CFAP45: variants seen among roughly 807,000 people sequenced by gnomAD.
The protein encoded by CFAP45 is cilia- and flagella-associated protein 45.
CFAP45 carries 43 observed loss-of-function variants against 75.6 expected under a neutral mutation model. The observed-to-expected ratio is 0.57, with a 90% confidence interval of 0.45 to 0.73. CFAP45 has a LOEUF of 0.73. Among genes scored for constraint, CFAP45 ranks in the 30% least tolerant of loss-of-function variants. The pLI, the probability that CFAP45 is intolerant of heterozygous loss-of-function variation, is 0.00. For missense variants in CFAP45, 689 were observed against 701.5 expected, an observed-to-expected ratio of 0.98 and a Z score of 0.20; for synonymous variants, 223 against 244.6, an observed-to-expected ratio of 0.91 and a Z score of 0.82.
chr1:159,877,693 A>G (rs932569562), intron 8 of CFAP45, among the ~76,000 whole-genome samples: 5 of 152,140 alleles, frequency 3.3e-5, no homozygotes, highest in African/African-American at 1.2e-4. Flanking sequence ...CCTAGGCCAC[A>G]GAGAAAGACT....
intron 6 of CFAP45, among the ~76,000 whole-genome samples, chr1:159,885,749 G>A (rs935158652): frequency 1.1e-4 from 17 of 152,152 alleles, no homozygotes; most frequent in Non-Finnish European, 1.8e-4. Context: ...AGAGTGGGAT[G>A]CTGGAGCATA....
At chr1:159,896,083 G>T (rs969775201) in intron 1 of CFAP45, among the ~76,000 whole-genome samples, 2 of 152,188 alleles carry the variant, frequency 1.3e-5, no homozygotes, top group Admixed American at 6.5e-5. Flanking sequence ...GGATAATAAC[G>T]TATGTGAAAG....
chr1:159,896,190 C>T (rs747461276), intron 1 of CFAP45, among the ~76,000 whole-genome samples: 19 of 152,302 alleles, frequency 1.2e-4, no homozygotes, highest in Non-Finnish European at 2.1e-4. Flanking sequence ...CTGAAGTGTC[C>T]GCCAGACTGC....
chr1:159,888,478 G>C lies in CFAP45; in HGVS notation c.291C>G (p.Pro97=). The part of the protein sequence containing the change: ...VRELIVPTED[P]SGESLIISPE... ...GGCTGATGATTAGGGACTCCCCGGA[G>C]GGATCCTCTGTGGGAACACTGTCAC... is the stretch of plus-strand genomic sequence containing the variant. The change falls in exon 4 of 12, where the codon CCC becomes CCG. Residue 97 remains proline, a synonymous_variant. Coordinates refer to ENST00000368099, the MANE Select transcript of CFAP45 (RefSeq NM_012337.3). 1.2e-6 allele frequency: 2 copies of C among 1,614,006 alleles called. No homozygotes were observed. The highest frequency in any genetic ancestry group is 1.7e-6 in the Non-Finnish European group (2 of 1,179,946).
intron 7 of CFAP45, among the ~76,000 whole-genome samples, chr1:159,884,070 G>A (rs1488968401): frequency 6.6e-6 from 1 of 152,166 alleles, no homozygotes; most frequent in Non-Finnish European, 1.5e-5. Flanking sequence ...TATTGCTACT[G>A]TTCATCTACA....
chr1:159,888,965 A>G (rs1191271793), intron 3 of CFAP45, among the ~76,000 whole-genome samples: 1 of 152,176 alleles, frequency 6.6e-6, no homozygotes, highest in Non-Finnish European at 1.5e-5. Context: ...CGCTTGGTAC[A>G]GAGTGAGAAT....
intron 10 of CFAP45, among the ~76,000 whole-genome samples, chr1:159,873,745 G>A (rs750403563): frequency 6.6e-6 from 1 of 151,850 alleles, no homozygotes; most frequent in African/African-American, 2.4e-5. Context: ...TACACCCAGG[G>A]TTTCACCCAC....
chr1:159,896,660 T>G (rs1649958112), intron 1 of CFAP45, among the ~76,000 whole-genome samples: 1 of 152,196 alleles, frequency 6.6e-6, no homozygotes, highest in Non-Finnish European at 1.5e-5. Context: ...CATCCAGTCC[T>G]GCTTGCAGGA....
At chr1:159,895,172 C>A (rs1032456783) in intron 1 of CFAP45, among the ~76,000 whole-genome samples, 10 of 152,170 alleles carry the variant, frequency 6.6e-5, no homozygotes, top group African/African-American at 2.4e-4. Flanking sequence ...CAAGAGTAGA[C>A]GTCTATCTCT....
In CFAP45 at chr1:159,887,987, T is replaced by C. The variant is rs1347970158; in HGVS notation, c.442A>G (p.Ile148Val). 2.5e-6 allele frequency: 4 copies of C among 1,614,230 alleles called. No homozygotes were observed. Among genetic ancestry groups the C allele is most frequent in the Non-Finnish European group, 3.4e-6 (4 of 1,180,036 alleles). ...CACACCATCTCCTTCTGTTTCATGATCTTCTTTCGTGTCATCACTGCATCC... is the reference window on the plus strand; with the variant it reads ...CACACCATCTCCTTCTGTTTCATGACCTTCTTTCGTGTCATCACTGCATCC... ...TMDAVMTRKK[I>V]MKQKEMVWNN... Residue 148 changes from isoleucine to valine, a missense_variant, in exon 5 of 12, where the codon ATC (isoleucine) becomes GTC (valine). Ile to Val is a conservative substitution (Grantham distance 29). Transcript: ENST00000368099.
At chr1:159,877,120 G>A (rs558414663) in intron 9 of CFAP45, among the ~76,000 whole-genome samples, 2 of 152,306 alleles carry the variant, frequency 1.3e-5, no homozygotes, top group African/African-American at 4.8e-5. Flanking sequence ...CTTCTTTATG[G>A]AGCAGCGAAA....
At chr1:159,872,638 T>G in intron 11 of CFAP45, 75 bp from the exon 12 acceptor site, 4 of 1,351,854 alleles carry the variant, frequency 3.0e-6, no homozygotes, top group Non-Finnish European at 4.2e-6. Context: ...AGGCTCTGGG[T>G]GGGGTTTACA....
intron 8 of CFAP45, among the ~76,000 whole-genome samples, chr1:159,877,701 ACT>A (rs1048270978): frequency 1.3e-5 from 2 of 151,820 alleles, no homozygotes; most frequent in African/African-American, 4.8e-5. Flanking sequence ...ACAGAGAAAG[ACT>A]CTGTCTCTAC....
chr1:159,893,152 C>A, intron 2 of CFAP45, 28 bp downstream of exon 2: 10 of 1,612,084 alleles, frequency 6.2e-6, no homozygotes, highest in Non-Finnish European at 8.5e-6. Flanking sequence ...CAGGTGGCAT[C>A]AACTTGAAAG....
chr1:159,883,629 T>A (rs1206464031), intron 7 of CFAP45, among the ~76,000 whole-genome samples: 1 of 8,890 alleles, frequency 1.1e-4, no homozygotes, highest in African/African-American at 3.1e-4. Flanking sequence ...ATAAAATATA[T>A]ATATATATAT....
intron 10 of CFAP45, among the ~76,000 whole-genome samples, chr1:159,874,839 C>T (rs1319356525): frequency 1.3e-5 from 2 of 152,204 alleles, no homozygotes; most frequent in African/African-American, 4.8e-5. Flanking sequence ...TTTTCAAAAG[C>T]TCCAAGACAT....
intron 1 of CFAP45, among the ~76,000 whole-genome samples, chr1:159,899,706 A>C (rs2101855788): frequency 6.6e-6 from 1 of 151,548 alleles, no homozygotes; most frequent in South Asian, 2.1e-4. Flanking sequence ...TGACCTCATG[A>C]TCCGCCCGCC....
chr1:159,887,456 G>A (rs1215098371), intron 5 of CFAP45, among the ~76,000 whole-genome samples: 3 of 152,294 alleles, frequency 2.0e-5, no homozygotes, highest in South Asian at 2.1e-4. Flanking sequence ...ACCACCATAC[G>A]TGGCCAGAAC....
chr1:159,893,066 G>A, intron 2 of CFAP45, 114 bp downstream of exon 2: 1 of 1,216,826 alleles, frequency 8.2e-7, no homozygotes. Context: ...TTTGTCTTCA[G>A]TCTGAGAGTT....
Sources: allele counts gnomAD v4.1 joint callset (sites outside exome capture counted in the v4.1 genomes callset), GRCh38; gene constraint gnomAD v4.1.1; transcripts MANE v1.5; gene names NCBI Gene and HGNC (gene_info 2026-07-23, HGNC 2026-07-21).